Variants in PDAP1 observed in about 807,000 individuals in gnomAD.
PDAP1 encodes the protein PDGFA associated protein 1, also known as 28 kDa heat- and acid-stable phosphoprotein.
Under a neutral mutation model 28.0 loss-of-function variants are expected in PDAP1, and 13 were observed. The observed-to-expected ratio is 0.46, with a 90% CI of 0.30 to 0.74. The LOEUF is 0.74. PDAP1 is among the 30% of genes least tolerant of loss of function. The pLI is 0.07. For synonymous variants in PDAP1, 77 were observed against 85.1 expected, an observed-to-expected ratio of 0.91 and a Z score of 0.52; for missense variants, 150 against 230.0, an observed-to-expected ratio of 0.65 and a Z score of 2.25.
intron 3 of PDAP1, among the ~76,000 whole-genome samples, chr7:99,402,979 A>C (rs530814457): frequency 7.3e-5 from 11 of 151,368 alleles, no homozygotes; most frequent in Non-Finnish European, 1.6e-4. Flanking sequence ...CATCTGGACC[A>C]CTCCGCTCCT....
chr7:99,396,284 CTG>C lies in PDAP1; in HGVS notation c.*396_*397del, dbSNP rs1022542398. The C allele has an allele frequency of 3.1e-6, 1 of 327,322 alleles. No homozygotes were observed. Among genetic ancestry groups the C allele is most frequent in the Admixed American group, 4.6e-5 (1 of 21,602 alleles). The allele number at this position is 327,322 out of a possible 1,614,324, so 20.3% of individuals were successfully genotyped here. A position where few individuals can be genotyped will look rare whatever the true frequency, so the allele number is the denominator to read the frequency against. On this transcript the variant is annotated 3_prime_UTR_variant, in exon 6 of 6. Transcript: ENST00000350498. ...AGCACCCAGGCAACACAGTCCGGGG[CTG>C]TGTGTAGCAAACCTGTCAGCAGCTG...
chr7:99,404,853 C>A lies in PDAP1; in HGVS notation c.105+9G>T, dbSNP rs116176931. On this transcript the variant is annotated intron_variant, in intron 2 of 5. Coordinates refer to ENST00000350498, the MANE Select transcript of PDAP1 (RefSeq NM_014891.7). The stretch of plus-strand genomic sequence containing the variant: ...GCCACTGGCGTGGCCTGGACAGGCA[C>A]GTACTCACCCTGGCCTTCTGCTTCT... 1.7e-3 allele frequency: 2,736 copies of A among 1,608,946 alleles called. 26 individuals carry two copies. The African/African-American group carries it at 0.018, about 10-fold the overall frequency.
At chr7:99,406,164 G>A (rs759877424) in intron 1 of PDAP1, among the ~76,000 whole-genome samples, 21 of 152,158 alleles carry the variant, frequency 1.4e-4, no homozygotes, top group African/African-American at 2.9e-4. Context: ...AAGGAGAATC[G>A]CTTGAACCCA....
chr7:99,404,835 G>T (rs766058374), intron 2 of PDAP1, 27 bp downstream of exon 2: 5 of 1,568,422 alleles, frequency 3.2e-6, no homozygotes, highest in Non-Finnish European at 4.4e-6. Flanking sequence ...TGGGCCACTG[G>T]CGTGGCCTGG....
In PDAP1 at chr7:99,396,446, T is replaced by C. The variant is rs1794761151; in HGVS notation, c.*236A>G. The C allele has an allele frequency of 5.2e-6, 3 of 581,530 alleles. No individual in the cohort carries two copies. The highest frequency in any genetic ancestry group is 3.0e-5 in the Admixed American group (1 of 32,872). 36.0% of individuals were successfully genotyped at this position (581,530 alleles called of 1,614,324 possible). A position where few individuals can be genotyped will look rare whatever the true frequency, so the allele number is the denominator to read the frequency against. ...CAGCAAAAACATTCAAATGGTTACATATGAAATGCTGTCCTGCATCTTTCT... is the reference window on the plus strand; with the variant it reads ...CAGCAAAAACATTCAAATGGTTACACATGAAATGCTGTCCTGCATCTTTCT... On this transcript the variant is annotated 3_prime_UTR_variant, in exon 6 of 6. Coordinates refer to ENST00000350498, the MANE Select transcript of PDAP1 (RefSeq NM_014891.7).
intron 3 of PDAP1, among the ~76,000 whole-genome samples, chr7:99,402,573 CAA>C (rs58448407): frequency 0.029 from 1,663 of 56,576 alleles, 35 homozygotes; most frequent in African/African-American, 0.092. Context: ...GACCCTGTCT[CAA>C]AAAAAAAAAA....
chr7:99,408,470 G>C, intron 1 of PDAP1, 66 bp downstream of exon 1: 2 of 1,319,038 alleles, frequency 1.5e-6, no homozygotes, highest in Non-Finnish European at 2.0e-6. Flanking sequence ...ACGGGCTGAG[G>C]GGACAGCGGA....
At chr7:99,401,581 T>C (rs1794867604) in intron 3 of PDAP1, among the ~76,000 whole-genome samples, 1 of 152,124 alleles carries the variant, frequency 6.6e-6, no homozygotes, top group African/African-American at 2.4e-5. Context: ...CGCCTTGGCC[T>C]CCCAAAGTGC....
At chr7:99,404,751 C>A (rs771490681) in intron 2 of PDAP1, 111 bp downstream of exon 2, 4 of 753,272 alleles carry the variant, frequency 5.3e-6, no homozygotes, top group Non-Finnish European at 6.6e-6. Context: ...CCGACCCCCA[C>A]GTGCTGGCTT....
chr7:99,402,573 CAAAAAA>C (rs58448407), intron 3 of PDAP1, among the ~76,000 whole-genome samples: 3,853 of 56,548 alleles, frequency 0.068, 67 homozygotes, highest in South Asian at 0.11. Flanking sequence ...GACCCTGTCT[CAAAAAA>C]AAAAAAAAAA....
At chr7:99,401,137 C>T (rs1029328394) in intron 3 of PDAP1, among the ~76,000 whole-genome samples, 1 of 152,164 alleles carries the variant, frequency 6.6e-6, no homozygotes, top group Non-Finnish European at 1.5e-5. Context: ...CACACTTACA[C>T]CTCCACTCAG....
chr7:99,404,147 G>A (rs1801293229), intron 2 of PDAP1, among the ~76,000 whole-genome samples: 2 of 152,036 alleles, frequency 1.3e-5, no homozygotes, highest in African/African-American at 4.8e-5. Flanking sequence ...GCTCCCCCAA[G>A]GACCCCTCCC....
At chr7:99,404,069 T>C (rs543383425) in intron 2 of PDAP1, among the ~76,000 whole-genome samples, 1 of 152,260 alleles carries the variant, frequency 6.6e-6, no homozygotes, top group Non-Finnish European at 1.5e-5. Flanking sequence ...ATGTCCCTTA[T>C]AGGAACCTCA....
Position 99,403,402 on chromosome 7 carries a change from T to C in PDAP1, c.209A>G (p.Tyr70Cys), listed in dbSNP as rs528883355. Reference sequence around the variant, plus strand: ...GCCCTCAAAAGAACTCAGTACCTGGTAGTCATCTTCTTCATCCTCACTCTC... The same window carrying C: ...GCCCTCAAAAGAACTCAGTACCTGGCAGTCATCTTCTTCATCCTCACTCTC... Reference protein sequence around the residue: ...SDESEDEEDDYQQKRKGVEGL... With the variant: ...SDESEDEEDDCQQKRKGVEGL... The change falls in exon 3 of 6, where the codon TAC (tyrosine) becomes TGC (cysteine). Residue 70 changes from tyrosine to cysteine, a missense_variant. Physicochemically the swap from Tyr to Cys is radical, Grantham distance 194. Transcript: ENST00000350498. 5.6e-5 allele frequency: 88 copies of C among 1,579,804 alleles called. No individual in the cohort carries two copies. The highest frequency in any genetic ancestry group is 1.7e-4 in the Middle Eastern group (1 of 6,030).
At chr7:99,407,362 ACCT>A (rs1341791333) in intron 1 of PDAP1, among the ~76,000 whole-genome samples, 1 of 152,172 alleles carries the variant, frequency 6.6e-6, no homozygotes, top group Non-Finnish European at 1.5e-5. Context: ...TCATTCAGCA[ACCT>A]CCTTTTACAG....
intron 3 of PDAP1, 158 bp downstream of exon 3, chr7:99,403,240 C>T: frequency 1.7e-6 from 1 of 605,980 alleles, no homozygotes; most frequent in East Asian, 2.7e-5. Context: ...TGAAATGACA[C>T]TGTCTGTTTA....
chr7:99,400,440 A>C lies in PDAP1; in HGVS notation c.214-16T>G. 1 of 1,613,968 alleles carries C rather than the reference A, an allele frequency of 6.2e-7. No individual in the cohort carries two copies. Among genetic ancestry groups the C allele is most frequent in the Non-Finnish European group, 8.5e-7 (1 of 1,179,912 alleles). ...TGCGCTTTTGCTAGAACAGGGCAAG[A>C]AGCTGGTTGTTGGAGTTCAGGTCCT... is the stretch of plus-strand genomic sequence containing the variant. On this transcript the variant is annotated splice_polypyrimidine_tract_variant and intron_variant, in intron 3 of 5. Coordinates refer to ENST00000350498, the MANE Select transcript of PDAP1 (RefSeq NM_014891.7).
At position 99,404,837 on chromosome 7, in the gene PDAP1, G is replaced by A. The variant is rs559812705; in HGVS notation, c.105+25C>T. On this transcript the variant is annotated intron_variant, in intron 2 of 5. Transcript: ENST00000350498. ...CAAAGCGCCACCCTGGGCCACTGGC[G>A]TGGCCTGGACAGGCACGTACTCACC... The A allele has an allele frequency of 3.7e-5, 59 of 1,591,548 alleles. 1 individual carries two copies. In the South Asian group the frequency reaches 4.9e-4, roughly 13 times the overall value.
At chr7:99,406,730 T>A in intron 1 of PDAP1, 1 of 470,480 alleles carries the variant, frequency 2.1e-6, no homozygotes, top group Non-Finnish European at 2.8e-6. Context: ...TCTGTCTCTG[T>A]GAGCAGAGAC....
Sources: gnomAD v4.1 joint callset for allele counts (sites outside exome capture counted in the v4.1 genomes callset) on GRCh38, gnomAD v4.1.1 for gene constraint, MANE v1.5 for transcripts, NCBI Gene and HGNC (gene_info 2026-07-23, HGNC 2026-07-21) for gene names.